TNS3: variants seen among roughly 807,000 people sequenced by gnomAD.
The protein encoded by TNS3 is tensin-3.
Under a neutral mutation model 140.9 loss-of-function variants are expected in TNS3, and 45 were observed. The observed-to-expected ratio is 0.32, with a 90% CI of 0.25 to 0.41. The LOEUF is 0.41. TNS3 is among the 10% of genes least tolerant of loss of function. The pLI is 1.00. For missense variants in TNS3, 1,716 were observed against 1,906.7 expected, an observed-to-expected ratio of 0.90 and a Z score of 1.86; for synonymous variants, 815 against 788.4, an observed-to-expected ratio of 1.03 and a Z score of -0.56.
chr7:47,447,242 C>T (rs1795789100), intron 4 of TNS3, among the ~76,000 whole-genome samples: 1 of 138,118 alleles, frequency 7.2e-6, no homozygotes, highest in Admixed American at 7.3e-5. Flanking sequence ...CATTCTGGTT[C>T]CACATATGTT....
intron 16 of TNS3, among the ~76,000 whole-genome samples, chr7:47,395,873 C>G (rs955534316): frequency 3.3e-5 from 5 of 152,168 alleles, no homozygotes; most frequent in African/African-American, 1.2e-4. Context: ...TATGAAGGAG[C>G]AAGCTTTTCC....
intron 27 of TNS3, among the ~76,000 whole-genome samples, chr7:47,285,366 T>A (rs1785360096): frequency 6.6e-6 from 1 of 152,210 alleles, no homozygotes; most frequent in Non-Finnish European, 1.5e-5. Context: ...GGGAGCAACC[T>A]GGTGGGAGGT....
At chr7:47,434,765 A>G (rs1446362904) in intron 8 of TNS3, among the ~76,000 whole-genome samples, 2 of 152,214 alleles carry the variant, frequency 1.3e-5, no homozygotes, top group African/African-American at 4.8e-5. Context: ...TGACAGACAG[A>G]CAGTCCCGGC....
chr7:47,361,215 A>AAAAAAAAAAAAAAAAAAAAAC (rs1301840027), intron 17 of TNS3, among the ~76,000 whole-genome samples: 1 of 146,576 alleles, frequency 6.8e-6, no homozygotes, highest in Non-Finnish European at 1.5e-5. Context: ...CCAAAAAAAA[A>AAAAAAAAAAAAAAAAAAAAAC]AAAAAAAAAC....
In TNS3 at chr7:47,400,173, G is replaced by A. The variant is rs916594112; in HGVS notation, c.919+220C>T. Reference sequence around the variant, plus strand: ...GCCAGTCATGCCCAAGGCTCTCCTGGCTGAGTGGTTGTGAGCAAGTCACGC... The same window carrying A: ...GCCAGTCATGCCCAAGGCTCTCCTGACTGAGTGGTTGTGAGCAAGTCACGC... On this transcript the variant is annotated intron_variant, in intron 15 of 30. Transcript: ENST00000311160. Among the ~76,000 whole-genome samples the A allele has an allele frequency of 3.9e-5, 6 of 152,272 alleles. No individual in the cohort carries two copies. In the South Asian group the frequency reaches 1.2e-3, roughly 32 times the overall value.
chr7:47,364,630 C>T (rs1184135091), intron 17 of TNS3, among the ~76,000 whole-genome samples: 1 of 152,216 alleles, frequency 6.6e-6, no homozygotes, highest in African/African-American at 2.4e-5. Context: ...GAGACCACCT[C>T]TACACTGTGC....
At chr7:47,409,681 G>A (rs1036776953) in intron 13 of TNS3, among the ~76,000 whole-genome samples, 11 of 148,542 alleles carry the variant, frequency 7.4e-5, no homozygotes, top group African/African-American at 1.3e-4. Flanking sequence ...CCTCTGAGAC[G>A]GAGTCTCGCT....
At chr7:47,302,871 C>G in intron 22 of TNS3, 79 bp downstream of exon 22, 1 of 1,506,622 alleles carries the variant, frequency 6.6e-7, no homozygotes, top group Non-Finnish European at 8.9e-7. Flanking sequence ...GATATGCCAG[C>G]TCAGCTGCAG....
At chr7:47,409,328 AG>A (rs1261176501) in intron 13 of TNS3, among the ~76,000 whole-genome samples, 1 of 147,836 alleles carries the variant, frequency 6.8e-6, no homozygotes, top group East Asian at 2.0e-4. Context: ...CCCAGGGGAG[AG>A]GGCCCCGCCT....
intron 3 of TNS3, among the ~76,000 whole-genome samples, chr7:47,506,498 G>A (rs950440499): frequency 2.6e-5 from 4 of 151,816 alleles, no homozygotes; most frequent in African/African-American, 2.4e-5. Context: ...ACCCCAATCC[G>A]TCTATGCACA....
intron 2 of TNS3, among the ~76,000 whole-genome samples, chr7:47,519,538 C>T (rs941830334): frequency 1.3e-5 from 2 of 152,172 alleles, no homozygotes; most frequent in African/African-American, 4.8e-5. Context: ...CTCCCAAGAA[C>T]CCCAGTCCCC....
At chr7:47,556,775 G>A (rs1389796851) in intron 1 of TNS3, among the ~76,000 whole-genome samples, 2 of 152,190 alleles carry the variant, frequency 1.3e-5, no homozygotes, top group South Asian at 4.1e-4. Context: ...GACGCTGCCC[G>A]CTCTCACTGG....
At chr7:47,394,834 T>A (rs1792734087) in intron 16 of TNS3, among the ~76,000 whole-genome samples, 1 of 152,230 alleles carries the variant, frequency 6.6e-6, no homozygotes, top group Non-Finnish European at 1.5e-5. Flanking sequence ...CAGCTTTCAG[T>A]TCCCTGGTTG....
chr7:47,439,733 A>AGAC (rs1795369079), intron 5 of TNS3, 75 bp from the exon 6 acceptor site: 1 of 1,504,898 alleles, frequency 6.6e-7, no homozygotes, highest in Non-Finnish European at 9.0e-7. Flanking sequence ...AAAAAGGTGA[A>AGAC]GACGACGGAC....
rs191853165 is a variant in TNS3 at position 47,415,266 on chromosome 7, G to T, written c.474-60C>A. On this transcript the variant is annotated intron_variant, in intron 10 of 30. Transcript: ENST00000311160. ...AGTGTCTTCAGCCTCTGCTGAGAAG[G>T]GAACTCAAGGAGAAACACATCCTGG... 192 of 1,213,734 alleles carry T rather than the reference G, an allele frequency of 1.6e-4. 3 individuals are homozygous for T. The African/African-American group carries it at 2.2e-3, about 14-fold the overall frequency. The allele number at this position is 1,213,734 out of a possible 1,614,324, so 75.2% of individuals were successfully genotyped here.
intron 17 of TNS3, among the ~76,000 whole-genome samples, chr7:47,349,817 T>G (rs566142642): frequency 6.6e-6 from 1 of 152,252 alleles, no homozygotes; most frequent in South Asian, 2.1e-4. Flanking sequence ...AGGAGGTAGT[T>G]ACAAAAGAAA....
intron 15 of TNS3, among the ~76,000 whole-genome samples, chr7:47,398,081 GAC>G (rs1792936784): frequency 1.3e-5 from 2 of 152,194 alleles, no homozygotes; most frequent in South Asian, 2.1e-4. Context: ...TCAATTCCTG[GAC>G]ACAGACAACC....
intron 28 of TNS3, among the ~76,000 whole-genome samples, chr7:47,282,295 C>T (rs1370529826): frequency 6.6e-6 from 1 of 151,776 alleles, no homozygotes; most frequent in Non-Finnish European, 1.5e-5. Context: ...ATGCCCCTGA[C>T]CCTGAGTCTA....
chr7:47,528,921 A>T (rs1197803101), intron 2 of TNS3, 115 bp downstream of exon 2: 1 of 527,186 alleles, frequency 1.9e-6, no homozygotes, highest in Non-Finnish European at 2.9e-6. Flanking sequence ...ATATAAACTA[A>T]GAAGGGGAAT....
Sources: gnomAD v4.1 joint callset for allele counts (sites outside exome capture counted in the v4.1 genomes callset) on GRCh38, gnomAD v4.1.1 for gene constraint, MANE v1.5 for transcripts, NCBI Gene and HGNC (gene_info 2026-07-23, HGNC 2026-07-21) for gene names.